The following NHS variants were observed in gnomAD, a reference collection of about 807,000 sequenced individuals.
NHS encodes actin remodeling regulator NHS.
NHS carries 5 observed loss-of-function variants against 72.5 expected under a neutral mutation model. The observed-to-expected ratio is 0.07, with a 90% CI of 0.04 to 0.14. The LOEUF is 0.14. Among genes scored for constraint, NHS ranks in the 10% least tolerant of loss-of-function variants. NHS has a pLI of 1.00. For missense variants in NHS, 1,072 were observed against 1,355.7 expected, an observed-to-expected ratio of 0.79 and a Z score of 3.29; for synonymous variants, 464 against 547.7, an observed-to-expected ratio of 0.85 and a Z score of 2.13.
chrX:17,608,258 A>C (rs1460303358), intron 1 of NHS, among the ~76,000 whole-genome samples: 2 of 111,180 alleles, frequency 1.8e-5, no homozygotes, highest in Non-Finnish European at 3.8e-5. Flanking sequence ...CACTGGGAAA[A>C]GTTTAAGGAG....
At chrX:17,472,912 G>A (rs1375655308) in intron 1 of NHS, among the ~76,000 whole-genome samples, 1 of 112,427 alleles carries the variant, frequency 8.9e-6, no homozygotes, top group Non-Finnish European at 1.9e-5. Context: ...GTAACAGAAG[G>A]AAAAGGTTGT....
At chrX:17,434,102 G>A (rs190934815) in intron 1 of NHS, among the ~76,000 whole-genome samples, 74 of 111,981 alleles carry the variant, frequency 6.6e-4, no homozygotes, top group African/African-American at 2.4e-3. Context: ...GCAAGTGAGT[G>A]TAGGGGAGTG....
At chrX:17,660,291 C>A (rs1022652659) in intron 1 of NHS, among the ~76,000 whole-genome samples, 1 of 112,213 alleles carries the variant, frequency 8.9e-6, no homozygotes, top group African/African-American at 3.2e-5. Context: ...GAAAAGCAGC[C>A]GTGGTCAACC....
intron 1 of NHS, among the ~76,000 whole-genome samples, chrX:17,677,761 T>G (rs1338168495): frequency 8.9e-6 from 1 of 111,864 alleles, no homozygotes; most frequent in Non-Finnish European, 1.9e-5. Flanking sequence ...TAGAACATTA[T>G]ACAGCTGTTA....
At chrX:17,564,317 G>A (rs912613360) in intron 1 of NHS, among the ~76,000 whole-genome samples, 2 of 111,640 alleles carry the variant, frequency 1.8e-5, no homozygotes, top group African/African-American at 6.5e-5. Flanking sequence ...CAGCATCCCT[G>A]GCCTCTACCC....
intron 1 of NHS, among the ~76,000 whole-genome samples, chrX:17,412,553 CGT>C (rs199796785): frequency 0.019 from 2,119 of 111,268 alleles, 38 homozygotes; most frequent in Middle Eastern, 0.041. Flanking sequence ...GCTGTGATCA[CGT>C]CACTGCACTC....
intron 1 of NHS, among the ~76,000 whole-genome samples, chrX:17,453,851 T>C (rs755841409): frequency 1.7e-4 from 19 of 111,985 alleles, no homozygotes; most frequent in Non-Finnish European, 2.8e-4. Context: ...ATCCTGAAGC[T>C]GAAATCTTAC....
chrX:17,463,123 T>C (rs1280539928), intron 1 of NHS, among the ~76,000 whole-genome samples: 1 of 112,240 alleles, frequency 8.9e-6, no homozygotes, highest in African/African-American at 3.2e-5. Flanking sequence ...GGTCTCCACC[T>C]TGCATAAATT....
chrX:17,396,897 A>G (rs1258943106), intron 1 of NHS, among the ~76,000 whole-genome samples: 1 of 111,920 alleles, frequency 8.9e-6, no homozygotes, highest in Non-Finnish European at 1.9e-5. Context: ...CATCATGTCT[A>G]TGGGATTTAT....
intron 1 of NHS, among the ~76,000 whole-genome samples, chrX:17,538,002 T>C (rs1454006649): frequency 1.8e-5 from 2 of 111,994 alleles, no homozygotes. Context: ...GGCTTCCTGC[T>C]CAGCCTGGCT....
intron 1 of NHS, among the ~76,000 whole-genome samples, chrX:17,577,372 G>A (rs1245520557): frequency 9.0e-6 from 1 of 111,654 alleles, no homozygotes; most frequent in Non-Finnish European, 1.9e-5. Flanking sequence ...GAACCTCTGT[G>A]CTTTGTATTT....
intron 1 of NHS, among the ~76,000 whole-genome samples, chrX:17,648,342 A>C (rs755534326): frequency 8.9e-6 from 1 of 112,266 alleles, no homozygotes; most frequent in African/African-American, 3.2e-5. Context: ...CATGAGCAGC[A>C]GTAAGCAGGG....
chrX:17,694,453 C>T (rs1444940189), intron 3 of NHS, among the ~76,000 whole-genome samples: 3 of 112,175 alleles, frequency 2.7e-5, no homozygotes, highest in Non-Finnish European at 3.8e-5. Context: ...TTAGACAACT[C>T]TCCTTTCATG....
rs1239818186 is a variant in NHS, at chrX:17,376,401, C to T, written c.565+79C>T. The T allele has an allele frequency of 1.2e-4, 113 of 934,222 alleles. 1 individual carries two copies. The highest frequency in any genetic ancestry group is 3.0e-5 in the Non-Finnish European group (20 of 675,579). The allele number at this position is 934,222 out of a possible 1,213,427, so 77.0% of individuals were successfully genotyped here. On this transcript the variant is annotated intron_variant, in intron 1 of 8. Coordinates refer to ENST00000676302, the MANE Select transcript of NHS (RefSeq NM_001291867.2). ...CGCGCCCTCCCCAGCAGCGGCAATC[C>T]CAGCCCCGCGGCGCCGCTCCGGTTG...
chrX:17,718,921 G>A (rs992544241), intron 3 of NHS, among the ~76,000 whole-genome samples: 5 of 94,034 alleles, frequency 5.3e-5, no homozygotes, highest in African/African-American at 2.0e-4. Context: ...AAGGAAGGAA[G>A]AAAGGAAGGA....
intron 6 of NHS, among the ~76,000 whole-genome samples, chrX:17,724,932 C>T (rs933386681): frequency 8.1e-5 from 9 of 111,527 alleles, no homozygotes; most frequent in African/African-American, 2.9e-4. Context: ...AGGGTATCAT[C>T]TCTTGCAAAT....
At position 17,562,028 on chromosome X, in the gene NHS, G is replaced by T. The variant is rs1470797981; in HGVS notation, c.566-125714G>T. 6.3e-5 allele frequency among the ~76,000 whole-genome samples: 7 copies of T among 110,643 alleles called. No homozygotes were observed. In the Admixed American group the frequency reaches 6.7e-4, roughly 11 times the overall value. ...TTGTTCTCACCCTTTTCCTTAGTAC[G>T]TGTGTATGTGTGTGTACTGTAGAAA... On this transcript the variant is annotated intron_variant, in intron 1 of 8. Coordinates refer to ENST00000676302, the MANE Select transcript of NHS (RefSeq NM_001291867.2).
chrX:17,701,370 TA>T (rs963016887), intron 3 of NHS, among the ~76,000 whole-genome samples: 9 of 111,464 alleles, frequency 8.1e-5, no homozygotes, highest in African/African-American at 2.6e-4. Flanking sequence ...AATTGCACAA[TA>T]AAAAACAAAG....
chrX:17,409,494 A>C (rs963791067), intron 1 of NHS, among the ~76,000 whole-genome samples: 10 of 110,665 alleles, frequency 9.0e-5, no homozygotes, highest in East Asian at 5.7e-4. Flanking sequence ...CTGGAAGGTC[A>C]GGATAAGCTG....
Sources: allele counts gnomAD v4.1 joint callset (sites outside exome capture counted in the v4.1 genomes callset), GRCh38; gene constraint gnomAD v4.1.1; transcripts MANE v1.5; gene names NCBI Gene and HGNC (gene_info 2026-07-23, HGNC 2026-07-21).